AGAP1: variants seen among roughly 807,000 people sequenced by gnomAD.
AGAP1 encodes arf-GAP with GTPase, ANK repeat and PH domain-containing protein 1.
A neutral mutation model predicts 105.3 loss-of-function variants in AGAP1; 29 were observed. The observed-to-expected ratio is 0.28, with a 90% CI of 0.21 to 0.38. AGAP1 has a LOEUF of 0.38. Among genes scored for constraint, AGAP1 ranks in the 10% least tolerant of loss-of-function variants. AGAP1 has a pLI of 1.00. For missense variants in AGAP1, 998 were observed against 1,165.1 expected (o/e 0.86, Z 2.09); for synonymous variants, 509 against 485.9 (o/e 1.05, Z -0.63).
intron 8 of AGAP1, among the ~76,000 whole-genome samples, chr2:235,806,460 C>G (rs2150087655): frequency 6.6e-6 from 1 of 152,198 alleles, no homozygotes; most frequent in Non-Finnish European, 1.5e-5. Context: ...TCAGTTTTAC[C>G]CAAGTCAAGG....
intron 3 of AGAP1, among the ~76,000 whole-genome samples, chr2:235,731,475 G>A (rs1445186436): frequency 6.6e-6 from 1 of 152,168 alleles, no homozygotes; most frequent in Non-Finnish European, 1.5e-5. Context: ...ACGTATCCTG[G>A]ATCTTCCAGA....
At chr2:236,066,565 A>G (rs1252375747) in intron 16 of AGAP1, among the ~76,000 whole-genome samples, 2 of 152,224 alleles carry the variant, frequency 1.3e-5, no homozygotes, top group Middle Eastern at 3.2e-3. Flanking sequence ...TTAAGGTCCC[A>G]GTATCATGCC....
chr2:235,713,204 T>C (rs1950937444), intron 2 of AGAP1, among the ~76,000 whole-genome samples: 1 of 152,196 alleles, frequency 6.6e-6, no homozygotes, highest in Non-Finnish European at 1.5e-5. Context: ...TAATTAAAAA[T>C]TTAATTCTGT....
Position 236,003,782 on chromosome 2 carries a change from AC to A in AGAP1, c.1646-32777del, listed in dbSNP as rs1391705691. 2.7e-5 allele frequency among the ~76,000 whole-genome samples: 4 copies of A among 148,526 alleles called. No individual in the cohort carries two copies. The highest frequency in any genetic ancestry group is 9.9e-5 in the African/African-American group (4 of 40,484). On this transcript the variant is annotated intron_variant, in intron 13 of 17. Coordinates refer to ENST00000304032, the MANE Select transcript of AGAP1 (RefSeq NM_001037131.3). The surrounding 1 kb of genome is among the most constrained non-coding windows in gnomAD (Gnocchi z 4.2). ...ACTGTGGAGGGGTCACTGCTGTCCT[AC>A]CACTTTTTTTTTTTTCTGGAAGTTT... is the stretch of plus-strand genomic sequence containing the variant.
chr2:235,504,882 G>C (rs1261793105), intron 1 of AGAP1, among the ~76,000 whole-genome samples: 2 of 152,186 alleles, frequency 1.3e-5, no homozygotes, highest in Non-Finnish European at 2.9e-5. Flanking sequence ...TTGTCTGCAG[G>C]CTATTAATTC....
intron 13 of AGAP1, among the ~76,000 whole-genome samples, chr2:235,999,659 G>T (rs1349135741): frequency 6.6e-6 from 1 of 151,890 alleles, no homozygotes; most frequent in Non-Finnish European, 1.5e-5. Flanking sequence ...GAGAGGTGGT[G>T]GTGGTGATGA....
Position 235,927,868 on chromosome 2 carries a change from T to C in AGAP1, c.1325-2897T>C, listed in dbSNP as rs1214643525. Among the ~76,000 whole-genome samples the C allele has an allele frequency of 6.6e-6, 1 of 152,194 alleles. No individual in the cohort carries two copies. Among genetic ancestry groups the C allele is most frequent in the African/African-American group, 2.4e-5 (1 of 41,458 alleles). On this transcript the variant is annotated intron_variant, in intron 11 of 17. Coordinates refer to ENST00000304032, the MANE Select transcript of AGAP1 (RefSeq NM_001037131.3). The surrounding 1 kb of genome is among the most constrained non-coding windows in gnomAD (Gnocchi z 4.4). The stretch of plus-strand genomic sequence containing the variant: ...GAGGGACAGACAGACACAGTGAAAT[T>C]CCTTTTTGTTTTTCAGGTATTTGGA...
chr2:235,636,404 AT>A (rs1353771625), intron 1 of AGAP1, among the ~76,000 whole-genome samples: 1 of 152,118 alleles, frequency 6.6e-6, no homozygotes, highest in Non-Finnish European at 1.5e-5. Context: ...AAGTCAAATA[AT>A]TTACACCCAG....
rs554766744 is a variant in AGAP1 at position 235,960,934 on chromosome 2, T to C, written c.1484-7528T>C. On this transcript the variant is annotated intron_variant, in intron 12 of 17. Coordinates refer to ENST00000304032, the MANE Select transcript of AGAP1 (RefSeq NM_001037131.3). This position sits in a 1 kb window ranked among gnomAD's most constrained non-coding sequence, Gnocchi z 4.9. The stretch of plus-strand genomic sequence containing the variant: ...TGGTTTTAAAACTAAGTCGCGAAAT[T>C]GATACACTGCTGTGTGATACACCAG... Among the ~76,000 whole-genome samples, 33 of 152,344 alleles carry C rather than the reference T, an allele frequency of 2.2e-4. No individual in the cohort carries two copies. The South Asian group carries it at 6.4e-3, about 30-fold the overall frequency.
chr2:236,103,822 C>A (rs1295654853), intron 16 of AGAP1, among the ~76,000 whole-genome samples: 1 of 152,086 alleles, frequency 6.6e-6, no homozygotes, highest in African/African-American at 2.4e-5. Flanking sequence ...CAACCTCGGC[C>A]TCCCAAAGTG....
chr2:235,903,421 C>G (rs1285146872), intron 10 of AGAP1, among the ~76,000 whole-genome samples: 1 of 152,186 alleles, frequency 6.6e-6, no homozygotes, highest in African/African-American at 2.4e-5. Context: ...ATAGTGTATG[C>G]ATTTCAGTTT....
rs1261925052 is a variant in AGAP1 at position 236,087,835 on chromosome 2, T to C, written c.2115-32357T>C. Among the ~76,000 whole-genome samples, 1 of 152,188 alleles carries C rather than the reference T, an allele frequency of 6.6e-6. No individual in the cohort carries two copies. The highest frequency in any genetic ancestry group is 2.1e-4 in the South Asian group (1 of 4,832). ...CTTTTGAATGGGCTATGGGGAGGAA[T>C]AGACCAGAGGTCTTTGCCAGGAGGA... On this transcript the variant is annotated intron_variant, in intron 16 of 17. Transcript: ENST00000304032. The surrounding 1 kb of genome is among the most constrained non-coding windows in gnomAD (Gnocchi z 5.7).
At chr2:235,618,700 C>A (rs967292404) in intron 1 of AGAP1, among the ~76,000 whole-genome samples, 2 of 152,150 alleles carry the variant, frequency 1.3e-5, no homozygotes, top group African/African-American at 2.4e-5. Context: ...TATTACTGAG[C>A]TCTTGTTATG....
In AGAP1 at chr2:235,549,431, G is replaced by C. The variant is rs1440737343; in HGVS notation, c.163+54582G>C. On this transcript the variant is annotated intron_variant, in intron 1 of 17. Coordinates refer to ENST00000304032, the MANE Select transcript of AGAP1 (RefSeq NM_001037131.3). This position sits in a 1 kb window ranked among gnomAD's most constrained non-coding sequence, Gnocchi z 4.2. ...CAGCTACTTGGAGAGATGCTGTTGA[G>C]GTTGGGAGGCAATGCAGGGTGTTCA... Among the ~76,000 whole-genome samples, 1 of 152,156 alleles carries C rather than the reference G, an allele frequency of 6.6e-6. No individual in the cohort carries two copies. Among genetic ancestry groups the C allele is most frequent in the South Asian group, 2.1e-4 (1 of 4,822 alleles).
At chr2:235,827,479 AC>A (rs1959136146) in intron 9 of AGAP1, among the ~76,000 whole-genome samples, 1 of 152,130 alleles carries the variant, frequency 6.6e-6, no homozygotes, top group South Asian at 2.1e-4. Flanking sequence ...TTCTACTAAT[AC>A]TTGTACTAAT....
At chr2:235,516,148 C>T (rs890120107) in intron 1 of AGAP1, among the ~76,000 whole-genome samples, 2 of 152,068 alleles carry the variant, frequency 1.3e-5, no homozygotes, top group Non-Finnish European at 2.9e-5. Context: ...TGCTCCCCGA[C>T]TTCATGGTTG....
intron 1 of AGAP1, among the ~76,000 whole-genome samples, chr2:235,651,184 C>CAAAAAAAAAAAAAAAAAAAAAAAAAA (rs55990003): frequency 1.8e-5 from 1 of 54,154 alleles, no homozygotes; most frequent in African/African-American, 5.0e-5. Context: ...AACTCCATCT[C>CAAAAAAAAAAAAAAAAAAAAAAAAAA]AAAAAAAAAA....
chr2:236,039,158 A>C lies in AGAP1; in HGVS notation c.1801-1593A>C, dbSNP rs568027215. On this transcript the variant is annotated intron_variant, in intron 14 of 17. Transcript: ENST00000304032. ...AATAAATAAGCCTCAAAAACACTAC[A>C]TATCAGCCAGACACGATGGTTCACG... 1.6e-4 allele frequency among the ~76,000 whole-genome samples: 25 copies of C among 152,326 alleles called. No individual in the cohort carries two copies. In the East Asian group the frequency reaches 4.8e-3, roughly 29 times the overall value.
rs146876676 is a variant in AGAP1, at chr2:235,587,865, G to T, written c.163+93016G>T. 5.3e-5 allele frequency among the ~76,000 whole-genome samples: 8 copies of T among 152,238 alleles called. No homozygotes were observed. The South Asian group carries it at 1.2e-3, about 24-fold the overall frequency. On this transcript the variant is annotated intron_variant, in intron 1 of 17. Transcript: ENST00000304032. ...CCCACAGGGGTCTCCAGGTCCTGCTGCTCCTTCCACGCCTGCCCGGTCCCT... is the reference window on the plus strand; with the variant it reads ...CCCACAGGGGTCTCCAGGTCCTGCTTCTCCTTCCACGCCTGCCCGGTCCCT...
Sources: allele counts gnomAD v4.1 joint callset (sites outside exome capture counted in the v4.1 genomes callset), GRCh38; gene constraint gnomAD v4.1.1; non-coding constraint Gnocchi (gnomAD v3.1); transcripts MANE v1.5; gene names NCBI Gene and HGNC (gene_info 2026-07-23, HGNC 2026-07-21).